KCNIP1: variants seen among roughly 807,000 people sequenced by gnomAD.
The protein encoded by KCNIP1 is A-type potassium channel modulatory protein KCNIP1.
In KCNIP1, 18 loss-of-function variants were observed where a neutral mutation model predicts 33.0. That is an observed-to-expected ratio of 0.55 (90% CI 0.38 to 0.81). The LOEUF (loss-of-function observed/expected upper bound fraction) is 0.81, where lower values mean the gene tolerates loss of function less well. Ranked by LOEUF, KCNIP1 falls within the 30% of genes least tolerant of loss-of-function variation. The pLI is 0.00. For missense variants in KCNIP1, 238 were observed against 271.6 expected, an observed-to-expected ratio of 0.88 and a Z score of 0.87; for synonymous variants, 93 against 98.3, an observed-to-expected ratio of 0.95 and a Z score of 0.32.
chr5:170,711,654 C>T (rs575121631), intron 1 of KCNIP1, among the ~76,000 whole-genome samples: 8 of 152,186 alleles, frequency 5.3e-5, no homozygotes, highest in South Asian at 4.2e-4. Context: ...ACTGTGAGGG[C>T]GGAATATACA....
chr5:170,551,961 T>C (rs768642596), intron 1 of KCNIP1, among the ~76,000 whole-genome samples: 1 of 151,562 alleles, frequency 6.6e-6, no homozygotes, highest in Non-Finnish European at 1.5e-5. Flanking sequence ...TCTGAGTGTG[T>C]GTATGTGTTT....
intron 1 of KCNIP1, among the ~76,000 whole-genome samples, chr5:170,579,551 C>A (rs1051180038): frequency 6.6e-6 from 1 of 152,170 alleles, no homozygotes; most frequent in African/African-American, 2.4e-5. Context: ...ATGTGCATTG[C>A]TTCACTGTGA....
At chr5:170,663,964 C>G (rs1480419615) in intron 1 of KCNIP1, among the ~76,000 whole-genome samples, 2 of 152,108 alleles carry the variant, frequency 1.3e-5, no homozygotes, top group African/African-American at 4.8e-5. Flanking sequence ...TGTCTGTACT[C>G]TCCTCCAATC....
chr5:170,473,672 G>T (rs1186938688), intron 1 of KCNIP1, among the ~76,000 whole-genome samples: 1 of 152,116 alleles, frequency 6.6e-6, no homozygotes, highest in African/African-American at 2.4e-5. Context: ...CCACACCTGT[G>T]GTCTTCCAAG....
chr5:170,583,848 ATGT>A (rs1757887893), intron 1 of KCNIP1, among the ~76,000 whole-genome samples: 1 of 152,150 alleles, frequency 6.6e-6, no homozygotes, highest in Non-Finnish European at 1.5e-5. Context: ...TTAATTTTTT[ATGT>A]TATTATTGTG....
intron 1 of KCNIP1, among the ~76,000 whole-genome samples, chr5:170,702,485 G>A (rs1763129892): frequency 6.6e-6 from 1 of 152,186 alleles, no homozygotes; most frequent in Non-Finnish European, 1.5e-5. Context: ...AATGCTAAAT[G>A]GGTGGCAGAG....
At chr5:170,378,821 C>T (rs758108390) in intron 1 of KCNIP1, 2 of 1,614,092 alleles carry the variant, frequency 1.2e-6, no homozygotes, top group Non-Finnish European at 1.7e-6. Context: ...GGGCCTGGGG[C>T]CCGTAGAGGC....
chr5:170,587,301 G>A (rs376617250), intron 1 of KCNIP1, among the ~76,000 whole-genome samples: 1 of 118,418 alleles, frequency 8.4e-6, no homozygotes, highest in South Asian at 2.8e-4. Context: ...GGCACCTATA[G>A]TCCTAGCTAC....
intron 1 of KCNIP1, among the ~76,000 whole-genome samples, chr5:170,475,068 AC>A (rs1439020156): frequency 2.6e-5 from 4 of 151,886 alleles, no homozygotes; most frequent in African/African-American, 9.7e-5. Flanking sequence ...TATTTTACAA[AC>A]CTCTAGCTAG....
rs768227415 is a variant in KCNIP1, at chr5:170,353,743, C to T, written c.-134C>T. ...GCTGCAGAGGCAGCTGTGCTGTTCCCGGAGCCTGGCTTCAGGGGTGCATCC... is the reference window on the plus strand; with the variant it reads ...GCTGCAGAGGCAGCTGTGCTGTTCCTGGAGCCTGGCTTCAGGGGTGCATCC... On this transcript the variant is annotated 5_prime_UTR_variant, in exon 1 of 8. Coordinates refer to the KCNIP1 transcript ENST00000377360. 33 of 758,468 alleles carry T rather than the reference C, an allele frequency of 4.4e-5. 1 individual carries two copies. The highest frequency in any genetic ancestry group is 6.7e-5 in the Admixed American group (3 of 44,654). The allele number at this position is 758,468 out of a possible 1,614,324, so 47.0% of individuals were successfully genotyped here.
chr5:170,602,963 G>A (rs1235782553), intron 1 of KCNIP1, among the ~76,000 whole-genome samples: 1 of 152,238 alleles, frequency 6.6e-6, no homozygotes, highest in African/African-American at 2.4e-5. Flanking sequence ...CCCCGAGTGA[G>A]CCAGCTGGAT....
At chr5:170,545,785 C>G (rs539136474) in intron 1 of KCNIP1, among the ~76,000 whole-genome samples, 1 of 152,038 alleles carries the variant, frequency 6.6e-6, no homozygotes. Flanking sequence ...ACAGAATAAC[C>G]ATAGTCAAAG....
At chr5:170,360,428 G>A (rs951473710) in intron 1 of KCNIP1, among the ~76,000 whole-genome samples, 1 of 152,180 alleles carries the variant, frequency 6.6e-6, no homozygotes, top group Non-Finnish European at 1.5e-5. Context: ...TCCATCTCAT[G>A]TGGCTACTGG....
At chr5:170,531,187 G>A (rs974977630) in intron 1 of KCNIP1, among the ~76,000 whole-genome samples, 1 of 152,126 alleles carries the variant, frequency 6.6e-6, no homozygotes, top group East Asian at 1.9e-4. Context: ...CAGCAAACAG[G>A]TATACTAGGG....
chr5:170,679,115 A>G (rs1028418426), intron 1 of KCNIP1: 1 of 152,224 alleles, frequency 6.6e-6, no homozygotes, highest in Non-Finnish European at 1.5e-5. Flanking sequence ...GGCAGATGGG[A>G]TCTGGAATGG....
At chr5:170,591,376 G>T (rs112944660) in intron 1 of KCNIP1, among the ~76,000 whole-genome samples, 1 of 3,616 alleles carries the variant, frequency 2.8e-4, no homozygotes, top group Admixed American at 5.7e-3. Context: ...GAAGAGGAAA[G>T]GGGAAAGAAA....
chr5:170,550,792 A>G (rs756478127), intron 1 of KCNIP1, among the ~76,000 whole-genome samples: 8 of 152,154 alleles, frequency 5.3e-5, no homozygotes, highest in Non-Finnish European at 1.2e-4. Flanking sequence ...GTTGATGATA[A>G]TGGTGGTGAT....
intron 1 of KCNIP1, among the ~76,000 whole-genome samples, chr5:170,482,762 A>AGAGG (rs1757003704): frequency 6.6e-6 from 1 of 152,186 alleles, no homozygotes. Flanking sequence ...CCTGTCTGAG[A>AGAGG]GAGGTTTTTA....
In KCNIP1 at chr5:170,485,611, C is replaced by T. The variant is rs185843327; in HGVS notation, c.88+131647C>T. The stretch of plus-strand genomic sequence containing the variant: ...GCTCTGAGTCTCCACCAGGCCCACC[C>T]TCCGCCTCTCAGGGCTGAGCTTCAC... On this transcript the variant is annotated intron_variant, in intron 1 of 7. Transcript: ENST00000377360. Among the ~76,000 whole-genome samples, 325 of 152,326 alleles carry T rather than the reference C, an allele frequency of 2.1e-3. 5 individuals carry two copies. Among genetic ancestry groups the T allele is most frequent in the African/African-American group, 7.4e-3 (307 of 41,588 alleles).
Sources: allele counts gnomAD v4.1 joint callset (sites outside exome capture counted in the v4.1 genomes callset), GRCh38; gene constraint gnomAD v4.1.1; transcripts MANE v1.5; gene names NCBI Gene and HGNC (gene_info 2026-07-23, HGNC 2026-07-21).